RNF112: variants seen among roughly 807,000 people sequenced by gnomAD.
RNF112 encodes the protein brain finger protein.
A neutral mutation model predicts 64.7 loss-of-function variants in RNF112; 34 were observed. The observed-to-expected ratio is 0.53, with a 90% CI of 0.40 to 0.70. RNF112 has a LOEUF of 0.70. Ranked by LOEUF, RNF112 falls within the 30% of genes least tolerant of loss-of-function variation. RNF112 has a pLI of 0.00. For missense variants in RNF112, 734 were observed against 850.0 expected, an observed-to-expected ratio of 0.86 and a Z score of 1.70; for synonymous variants, 345 against 344.5, an observed-to-expected ratio of 1.00 and a Z score of -0.02.
In RNF112 at chr17:19,416,082, T is replaced by C. The variant is rs1225090883; in HGVS notation, c.1803T>C (p.Gly601=). 5.1e-6 allele frequency: 8 copies of C among 1,577,594 alleles called. No homozygotes were observed. The African/African-American group carries it at 9.4e-5, about 19-fold the overall frequency. Residue 601 remains glycine (G), a synonymous_variant, in exon 14 of 14, where the codon GGT becomes GGC. Coordinates refer to ENST00000461366, the MANE Select transcript of RNF112 (RefSeq NM_007148.5). ...TGAAVVGGGV[G]AGLAATVGCM... ...CCGCTGTGGTTGGGGGTGGCGTGGGTGCTGGGTTGGCTGCCACAGTGGGCT... is the reference window on the plus strand; with the variant it reads ...CCGCTGTGGTTGGGGGTGGCGTGGGCGCTGGGTTGGCTGCCACAGTGGGCT...
At chr17:19,411,741 C>T in intron 2 of RNF112, 71 bp downstream of exon 2, 1 of 1,482,348 alleles carries the variant, frequency 6.7e-7, no homozygotes, top group Non-Finnish European at 9.2e-7. Flanking sequence ...ATGGCCGGTC[C>T]TGGAACACAG....
In RNF112 at chr17:19,413,116, A is replaced by G. The variant is rs780626661; in HGVS notation, c.560A>G (p.Asn187Ser). The change falls in exon 4 of 14, where the codon AAC becomes AGC. Residue 187 changes from asparagine (N) to serine (S), a missense_variant. Asn to Ser is a conservative substitution (Grantham distance 46, BLOSUM62 1). Coordinates refer to ENST00000461366, the MANE Select transcript of RNF112 (RefSeq NM_007148.5). This position sits in a 1 kb window ranked among gnomAD's most constrained non-coding sequence, Gnocchi z 5.9. ...CACTCAGGGAAGTCCTTCCTCCTCA[A>G]CCATTTGCTTCAGGGCTTGCCGGGC... ...EQHSGKSFLL[N>S]HLLQGLPGLE... is the part of the protein sequence containing the mutation. 6.2e-7 allele frequency: 1 copy of G among 1,605,804 alleles called. No individual in the cohort carries two copies. Among genetic ancestry groups the G allele is most frequent in the African/African-American group, 1.4e-5 (1 of 73,948 alleles).
chr17:19,414,727 G>A, intron 9 of RNF112, 43 bp from the exon 10 acceptor site: 2 of 1,610,992 alleles, frequency 1.2e-6, no homozygotes, highest in South Asian at 1.1e-5. Flanking sequence ...GACATGGGAG[G>A]CTGGACCTCC....
rs1009418385 is a variant in RNF112, at chr17:19,412,169, C to A, written c.96-329C>A. Among the ~76,000 whole-genome samples, 1 of 152,160 alleles carries A rather than the reference C, an allele frequency of 6.6e-6. No homozygotes were observed. Among genetic ancestry groups the A allele is most frequent in the Non-Finnish European group, 1.5e-5 (1 of 68,030 alleles). On this transcript the variant is annotated intron_variant, in intron 2 of 13. Coordinates refer to ENST00000461366, the MANE Select transcript of RNF112 (RefSeq NM_007148.5). The surrounding 1 kb of genome is among the most constrained non-coding windows in gnomAD (Gnocchi z 5.1). ...TTGGGACAGTTAGGAAATTGAGGCCCAGAGAGGGGAAGGAACTTGCTTGCA... is the reference window on the plus strand; with the variant it reads ...TTGGGACAGTTAGGAAATTGAGGCCAAGAGAGGGGAAGGAACTTGCTTGCA...
chr17:19,415,436 C>T lies in RNF112; in HGVS notation c.1351-82C>T, dbSNP rs1040410438. On this transcript the variant is annotated intron_variant, in intron 12 of 13. Transcript: ENST00000461366. The surrounding 1 kb of genome is among the most constrained non-coding windows in gnomAD (Gnocchi z 7.8). ...GCCTCCGGGGTGGGGGTCTGTGTGC[C>T]CTGGGAGTGGAGATGAGGAAACAAG... 2.8e-5 allele frequency: 43 copies of T among 1,550,702 alleles called. No individual in the cohort carries two copies. The highest frequency in any genetic ancestry group is 3.7e-5 in the Non-Finnish European group (43 of 1,146,718).
chr17:19,414,790 C>T lies in RNF112; in HGVS notation c.1029C>T (p.Pro343=). 1.2e-6 allele frequency: 2 copies of T among 1,613,642 alleles called. No individual in the cohort carries two copies. Among genetic ancestry groups the T allele is most frequent in the Non-Finnish European group, 8.5e-7 (1 of 1,179,836 alleles). The part of the protein sequence containing the change: ...NIFQRLSGRY[P]KVQELLQGKR... Reference sequence around the variant, plus strand: ...CACAGAGATTGTCTGGCAGATACCCCAAGGTGCAGGAGCTGCTGCAAGGGA... The same window carrying T: ...CACAGAGATTGTCTGGCAGATACCCTAAGGTGCAGGAGCTGCTGCAAGGGA... Residue 343 remains proline, a synonymous_variant, in exon 10 of 14, where the codon CCC becomes CCT. Coordinates refer to ENST00000461366, the MANE Select transcript of RNF112 (RefSeq NM_007148.5).
At position 19,416,503 on chromosome 17, in the gene RNF112, G is replaced by GTTTTTA; in HGVS notation, c.*328_*329insTTTTTA. ...CCCTCCCCACCTGGCTCATTTCCCC[G>GTTTTTA]ATGACCCTGGATTGTAGGAAAGTTA... is the stretch of plus-strand genomic sequence containing the variant. On this transcript the variant is annotated 3_prime_UTR_variant, in exon 14 of 14. Coordinates refer to ENST00000461366, the MANE Select transcript of RNF112 (RefSeq NM_007148.5). The GTTTTTA allele has an allele frequency of 7.4e-6, 2 of 268,556 alleles. No individual in the cohort carries two copies. 16.6% of individuals were successfully genotyped at this position (268,556 alleles called of 1,614,324 possible).
rs767937052 is a variant in RNF112 at position 19,414,842 on chromosome 17, G to A, written c.1081G>A (p.Ala361Thr). 5 of 1,613,738 alleles carry A rather than the reference G, an allele frequency of 3.1e-6. No individual in the cohort carries two copies. Among genetic ancestry groups the A allele is most frequent in the African/African-American group, 1.3e-5 (1 of 75,034 alleles). ...GCGAGCCCGTTGCTGCCTCTTGCCTGCCCCAGGGAGGCGGCGGATGAACCA... is the reference window on the plus strand; with the variant it reads ...GCGAGCCCGTTGCTGCCTCTTGCCTACCCCAGGGAGGCGGCGGATGAACCA... ...GKRARCCLLP[A>T]PGRRRMNQGH... Residue 361 changes from alanine to threonine, a missense_variant, in exon 10 of 14, where the codon GCC (alanine) becomes ACC (threonine). Ala to Thr is a moderately conservative substitution (Grantham distance 58, BLOSUM62 0). Transcript: ENST00000461366.
rs373789095 is a variant in RNF112, at chr17:19,411,683, G to A, written c.95+13G>A. The A allele has an allele frequency of 1.3e-6, 2 of 1,580,434 alleles. No individual in the cohort carries two copies. The highest frequency in any genetic ancestry group is 1.7e-6 in the Non-Finnish European group (2 of 1,163,338). ...GCGGCAACAGTTGGTAAGTAGCAGG[G>A]CCTTCCAGGCTGGGATGGGTGCAGT... On this transcript the variant is annotated intron_variant, in intron 2 of 13. Coordinates refer to ENST00000461366, the MANE Select transcript of RNF112 (RefSeq NM_007148.5).
In RNF112 at chr17:19,415,863, G is replaced by A; in HGVS notation, c.1584G>A (p.Leu528=). 1 of 1,613,802 alleles carries A rather than the reference G, an allele frequency of 6.2e-7. No homozygotes were observed. Residue 528 remains leucine, a synonymous_variant, in exon 14 of 14, where the codon CTG becomes CTA. Coordinates refer to ENST00000461366, the MANE Select transcript of RNF112 (RefSeq NM_007148.5). The surrounding 1 kb of genome is among the most constrained non-coding windows in gnomAD (Gnocchi z 7.8). ...DQTLEALEAE[L]QATAKAFMDS... is the part of the protein sequence containing the mutation. ...CCTTGGAGGCACTGGAAGCTGAGCT[G>A]CAGGCCACGGCCAAGGCCTTCATGG... is the stretch of plus-strand genomic sequence containing the variant.
In RNF112 at chr17:19,412,964, G is replaced by A. The variant is rs538772789; in HGVS notation, c.408G>A (p.Pro136=). ...LQETCPVRAE[P]LLLVRINASG... Reference sequence around the variant, plus strand: ...AGACGTGTCCTGTGAGGGCGGAGCCGCTGCTGCTGGTTCGCATCAATGCCT... The same window carrying A: ...AGACGTGTCCTGTGAGGGCGGAGCCACTGCTGCTGGTTCGCATCAATGCCT... The change falls in exon 4 of 14, where the codon CCG becomes CCA. Residue 136 remains proline, a synonymous_variant. Transcript: ENST00000461366. The surrounding 1 kb of genome is among the most constrained non-coding windows in gnomAD (Gnocchi z 5.1). 6.7e-5 allele frequency: 108 copies of A among 1,602,350 alleles called. No individual in the cohort carries two copies. The Middle Eastern group carries it at 6.8e-4, about 10-fold the overall frequency.
chr17:19,412,721 C>T lies in RNF112; in HGVS notation c.319C>T (p.Leu107Phe), dbSNP rs753814976. The change falls in exon 3 of 14, where the codon CTC becomes TTC. Residue 107 changes from leucine to phenylalanine, a missense_variant. Leu to Phe is a conservative substitution (Grantham distance 22). Coordinates refer to ENST00000461366, the MANE Select transcript of RNF112 (RefSeq NM_007148.5). This position sits in a 1 kb window ranked among gnomAD's most constrained non-coding sequence, Gnocchi z 5.1. ...GAAGATATGCAAGCAGAAGAGGGGC[C>T]TCCGGAGCCTGGGCGAGAAGATGAA... ...CRKICKQKRG[L>F]RSLGEKMKLL... 1 of 1,613,154 alleles carries T rather than the reference C, an allele frequency of 6.2e-7. No individual in the cohort carries two copies. Among genetic ancestry groups the T allele is most frequent in the South Asian group, 1.1e-5 (1 of 91,054 alleles).
rs1223776256 is a variant in RNF112 at position 19,412,882 on chromosome 17, C to T, written c.382-56C>T. On this transcript the variant is annotated intron_variant, in intron 3 of 13. Coordinates refer to ENST00000461366, the MANE Select transcript of RNF112 (RefSeq NM_007148.5). This position sits in a 1 kb window ranked among gnomAD's most constrained non-coding sequence, Gnocchi z 5.1. ...CACAGAGCTCCAGGCTGAACACATTCCAGGGTCAGGAGCTGGTCCTGGATG... is the reference window on the plus strand; with the variant it reads ...CACAGAGCTCCAGGCTGAACACATTTCAGGGTCAGGAGCTGGTCCTGGATG... 6.4e-7 allele frequency: 1 copy of T among 1,566,866 alleles called. No homozygotes were observed. Among genetic ancestry groups the T allele is most frequent in the East Asian group, 2.3e-5 (1 of 43,672 alleles).
In RNF112 at chr17:19,411,318, C is replaced by T. The variant is rs1385954309; in HGVS notation, c.-91C>T. On this transcript the variant is annotated 5_prime_UTR_variant, in exon 1 of 14. Transcript: ENST00000461366. ...CCTTCTACCTACCGCAGCCTGCTAGCCTTTCCGGGAGAAAAGGCATCCTTA... is the reference window on the plus strand; with the variant it reads ...CCTTCTACCTACCGCAGCCTGCTAGTCTTTCCGGGAGAAAAGGCATCCTTA... 4 of 1,293,806 alleles carry T rather than the reference C, an allele frequency of 3.1e-6. No individual in the cohort carries two copies. The highest frequency in any genetic ancestry group is 4.3e-6 in the Non-Finnish European group (4 of 926,514). 80.1% of individuals were successfully genotyped at this position (1,293,806 alleles called of 1,614,324 possible).
rs1661622170 is a variant in RNF112, at chr17:19,414,678, A to G, written c.1008+18A>G. 1.9e-6 allele frequency: 3 copies of G among 1,608,556 alleles called. No homozygotes were observed. Among genetic ancestry groups the G allele is most frequent in the Non-Finnish European group, 2.5e-6 (3 of 1,177,594 alleles). On this transcript the variant is annotated intron_variant, in intron 9 of 13. Transcript: ENST00000461366. ...TCTTCCAGGTGAGTGGTGCAAGGGG[A>G]TGGGGTGGAGGGGCCATGGACAGGG...
At position 19,412,704 on chromosome 17, in the gene RNF112, G is replaced by A; in HGVS notation, c.302G>A (p.Cys101Tyr). Reference sequence around the variant, plus strand: ...TGCTGTCCTGAGTGCCGGAAGATATGCAAGCAGAAGAGGGGCCTCCGGAGC... The same window carrying A: ...TGCTGTCCTGAGTGCCGGAAGATATACAAGCAGAAGAGGGGCCTCCGGAGC... ...PPCCPECRKI[C>Y]KQKRGLRSLG... The change falls in exon 3 of 14, where the codon TGC becomes TAC. Residue 101 changes from cysteine to tyrosine, a missense_variant. Physicochemically the swap from Cys to Tyr is radical, Grantham distance 194. Transcript: ENST00000461366. This position sits in a 1 kb window ranked among gnomAD's most constrained non-coding sequence, Gnocchi z 5.1. 6.2e-7 allele frequency: 1 copy of A among 1,613,388 alleles called. No homozygotes were observed. Among genetic ancestry groups the A allele is most frequent in the Admixed American group, 1.7e-5 (1 of 59,944 alleles).
At chr17:19,414,207 C>A in intron 7 of RNF112, 62 bp downstream of exon 7, 2 of 1,481,644 alleles carry the variant, frequency 1.3e-6, no homozygotes, top group Non-Finnish European at 1.9e-6. Context: ...GGGCTGGACC[C>A]AAAGGAACTA....
Position 19,415,694 on chromosome 17 carries a change from C to T in RNF112, c.1426-11C>T, listed in dbSNP as rs1913861506. ...TGGTCAGGGCACCTTCTTTTCCCCTCCCTGTCACAGGACGTAGCCACCAAG... is the reference window on the plus strand; with the variant it reads ...TGGTCAGGGCACCTTCTTTTCCCCTTCCTGTCACAGGACGTAGCCACCAAG... On this transcript the variant is annotated splice_polypyrimidine_tract_variant and intron_variant, in intron 13 of 13. Transcript: ENST00000461366. The surrounding 1 kb of genome is among the most constrained non-coding windows in gnomAD (Gnocchi z 7.8). The T allele has an allele frequency of 6.2e-7, 1 of 1,602,502 alleles. No homozygotes were observed. Among genetic ancestry groups the T allele is most frequent in the Admixed American group, 1.7e-5 (1 of 59,314 alleles).
rs1391626485 is a variant in RNF112, at chr17:19,413,023, A to G, written c.467A>G (p.Asn156Ser). Residue 156 changes from asparagine to serine, a missense_variant, in exon 4 of 14, where the codon AAC becomes AGC. By Grantham distance (46) the Asn-to-Ser change is conservative (BLOSUM62 1). Coordinates refer to ENST00000461366, the MANE Select transcript of RNF112 (RefSeq NM_007148.5). The surrounding 1 kb of genome is among the most constrained non-coding windows in gnomAD (Gnocchi z 5.9). ...GGLILRMGAI[N>S]RCLKHPLARD... ...CTCATCCTTAGGATGGGGGCCATCA[A>G]CCGCTGCCTGAAGCACCCTCTGGCC... 8.7e-6 allele frequency: 14 copies of G among 1,612,140 alleles called. No individual in the cohort carries two copies. Among genetic ancestry groups the G allele is most frequent in the Non-Finnish European group, 1.2e-5 (14 of 1,179,382 alleles).
Sources: gnomAD v4.1 joint callset for allele counts (sites outside exome capture counted in the v4.1 genomes callset) on GRCh38, gnomAD v4.1.1 for gene constraint, Gnocchi (gnomAD v3.1) non-coding constraint, MANE v1.5 for transcripts, NCBI Gene and HGNC (gene_info 2026-07-23, HGNC 2026-07-21) for gene names.